Variants in TTLL8 observed in about 807,000 individuals in gnomAD.
TTLL8 encodes the protein tubulin tyrosine ligase like 8.
TTLL8 carries 65 observed loss-of-function variants against 77.8 expected under a neutral mutation model. The ratio of observed to expected loss-of-function variants is 0.84; its 90% CI spans 0.68 to 1.03. The LOEUF (loss-of-function observed/expected upper bound fraction) is 1.03. Ranked by LOEUF, TTLL8 falls within the 50% of genes least tolerant of loss-of-function variation. The pLI, the probability that TTLL8 is intolerant of heterozygous loss-of-function variation, is 0.00. For synonymous variants in TTLL8, 402 were observed against 422.8 expected (o/e 0.95, Z 0.60); for missense variants, 910 against 1,004.5 (o/e 0.91, Z 1.27).
chr22:50,031,540 C>T (rs75080456), intron 11 of TTLL8, 146 bp downstream of exon 12: 96,677 of 1,181,984 alleles, frequency 0.082, 4,346 homozygotes, highest in East Asian at 0.25. Context: ...TCAGCGGGAC[C>T]GAGCATGGTC....
intron 12 of TTLL8, among the ~76,000 whole-genome samples, chr22:50,021,271 T>A (rs1467287313): frequency 2.0e-5 from 3 of 149,018 alleles, no homozygotes. Flanking sequence ...CAATGTGCAC[T>A]CCTCCATCTG....
upstream of TTLL8, chr22:50,055,240 T>A (rs776452931): frequency 7.8e-7 from 1 of 1,289,522 alleles, no homozygotes; most frequent in Non-Finnish European, 1.0e-6. Flanking sequence ...TTACCTTGAT[T>A]GCTTTTTCTG....
upstream of TTLL8, chr22:50,055,401 C>T (rs2061465629): frequency 6.1e-6 from 7 of 1,150,234 alleles, no homozygotes; most frequent in Non-Finnish European, 8.0e-6. Flanking sequence ...TGCCTGTAAT[C>T]CCAGCACTGT....
rs1363336740 is a variant in TTLL8 at position 50,043,398 on chromosome 22, C to T, written c.644-1591G>A. On this transcript the variant is annotated intron_variant, in intron 6 of 13. Coordinates refer to ENST00000266182, the Ensembl canonical transcript of TTLL8. ...AGATAAATAAACAGTGGTGCCGAGA[C>T]GTCCTTCGGTAGATGGATAGATAGA... is the stretch of plus-strand genomic sequence containing the variant. 8.2e-3 allele frequency among the ~76,000 whole-genome samples: 378 copies of T among 46,160 alleles called. 1 individual carries two copies. The highest frequency in any genetic ancestry group is 0.012 in the Admixed American group (55 of 4,494). 30.3% of individuals were successfully genotyped at this position (46,160 alleles called of 152,430 possible).
intron 8 of TTLL8, among the ~76,000 whole-genome samples, chr22:50,036,224 C>T (rs1252119520): frequency 1.3e-5 from 2 of 152,222 alleles, no homozygotes; most frequent in Admixed American, 6.5e-5. Flanking sequence ...AGACCCCCTC[C>T]GGCAGCAGCC....
chr22:50,042,516 A>T (rs536496445), intron 6 of TTLL8, among the ~76,000 whole-genome samples: 1 of 152,182 alleles, frequency 6.6e-6, no homozygotes, highest in African/African-American at 2.4e-5. Flanking sequence ...CAGTCACCTC[A>T]CCAAAAAATA....
chr22:50,029,082 A>AC (rs758449846), intron 12 of TTLL8, among the ~76,000 whole-genome samples: 1 of 11,732 alleles, frequency 8.5e-5, no homozygotes, highest in Non-Finnish European at 1.4e-4. Context: ...ACTCGTAAAG[A>AC]CCCCATCACA....
intron 8 of TTLL8, among the ~76,000 whole-genome samples, chr22:50,038,062 A>C (rs1439082010): frequency 6.6e-6 from 1 of 152,068 alleles, no homozygotes; most frequent in East Asian, 1.9e-4. Context: ...TAACTTTATA[A>C]CTTTAAATTT....
At chr22:50,030,972 G>C (rs758941716) in intron 11 of TTLL8, 47 bp from the exon 13 acceptor site, 4 of 1,294,614 alleles carry the variant, frequency 3.1e-6, no homozygotes, top group East Asian at 5.3e-5. Flanking sequence ...GCCGGGATAG[G>C]GGGGGTCCCT....
intron 11 of TTLL8, 44 bp from the exon 13 acceptor site, chr22:50,030,969 T>C: frequency 1.5e-6 from 2 of 1,296,534 alleles, no homozygotes. Context: ...GTGGCCGGGA[T>C]AGGGGGGGTC....
chr22:50,025,280 CA>C (rs111507174), intron 12 of TTLL8, among the ~76,000 whole-genome samples: 28,335 of 125,978 alleles, frequency 0.22, 3,018 homozygotes, highest in South Asian at 0.4. Context: ...GCAAAAACTC[CA>C]AAAAAAAAAA....
chr22:50,021,606 G>A (rs1285826430), intron 12 of TTLL8, among the ~76,000 whole-genome samples: 1 of 137,682 alleles, frequency 7.3e-6, no homozygotes, highest in Non-Finnish European at 1.5e-5. Context: ...TCCATCTGAC[G>A]ACGTGCACTC....
At chr22:50,024,255 G>A (rs980626640) in intron 12 of TTLL8, among the ~76,000 whole-genome samples, 3 of 152,006 alleles carry the variant, frequency 2.0e-5, no homozygotes, top group African/African-American at 7.2e-5. Context: ...TCCTGCTTCA[G>A]CCTCTTTACT....
At chr22:50,055,983 A>G (rs754214312), upstream of TTLL8, among the ~76,000 whole-genome samples, 1 of 152,194 alleles carries the variant, frequency 6.6e-6, no homozygotes, top group Non-Finnish European at 1.5e-5. Context: ...GTGTTGATAA[A>G]ACAGGTTGCT....
chr22:50,027,643 G>C (rs757682604), intron 12 of TTLL8: 2 of 985,330 alleles, frequency 2.0e-6, no homozygotes, highest in African/African-American at 3.5e-5. Flanking sequence ...AGCTCCAAGG[G>C]CCAGCACGCA....
intron 12 of TTLL8, among the ~76,000 whole-genome samples, chr22:50,023,794 G>C (rs1446986730): frequency 6.6e-6 from 1 of 152,180 alleles, no homozygotes; most frequent in Non-Finnish European, 1.5e-5. Flanking sequence ...GCCGAGGTGG[G>C]CAGATCACGA....
chr22:50,028,592 C>T (rs942260295), intron 12 of TTLL8, among the ~76,000 whole-genome samples: 11 of 147,692 alleles, frequency 7.4e-5, no homozygotes, highest in African/African-American at 1.5e-4. Context: ...ACCATGCCCT[C>T]GTAAAGACCC....
At chr22:50,038,596 G>A (rs552868121) in intron 8 of TTLL8, among the ~76,000 whole-genome samples, 7 of 152,282 alleles carry the variant, frequency 4.6e-5, no homozygotes, top group South Asian at 2.1e-4. Context: ...AGGACTGCTT[G>A]AGGCCAGGCA....
intron 1 of TTLL8, among the ~76,000 whole-genome samples, chr22:50,052,229 G>A (rs904810090): frequency 1.3e-5 from 2 of 152,228 alleles, no homozygotes; most frequent in Non-Finnish European, 2.9e-5. Flanking sequence ...CGGTGGGGGA[G>A]CTGGACAGTC....
Sources: gnomAD v4.1 joint callset for allele counts (sites outside exome capture counted in the v4.1 genomes callset) on GRCh38, gnomAD v4.1.1 for gene constraint, MANE v1.5 for transcripts, NCBI Gene and HGNC (gene_info 2026-07-23, HGNC 2026-07-21) for gene names.